The following EDDM3A variants were observed in gnomAD, a reference collection of about 807,000 sequenced individuals.
The protein encoded by EDDM3A is epididymal protein 3A, also known as epididymal secretory protein E3-alpha.
For missense variants in EDDM3A, 199 were observed against 177.4 expected (o/e 1.12, Z -0.69); for synonymous variants, 75 against 60.4 (o/e 1.24, Z -1.12).
chr14:20,739,673 A>G, the EDDM3A span, among the ~76,000 whole-genome samples: 2 of 152,214 alleles, frequency 1.3e-5, no homozygotes, highest in East Asian at 1.9e-4. Context: ...GATGTGTAGT[A>G]TTATCACATC....
chr14:20,744,820 G>C (rs1049743709), upstream of EDDM3A, among the ~76,000 whole-genome samples: 1 of 152,310 alleles, frequency 6.6e-6, no homozygotes, highest in Non-Finnish European at 1.5e-5. Context: ...AAACTGAGTA[G>C]AGAAATTTCA....
At chr14:20,740,798 G>A in the EDDM3A span, among the ~76,000 whole-genome samples, 4 of 152,064 alleles carry the variant, frequency 2.6e-5, no homozygotes, top group Non-Finnish European at 5.9e-5. Flanking sequence ...CCAGGCCACC[G>A]GCACTTGACC....
chr14:20,740,701 G>T, the EDDM3A span, among the ~76,000 whole-genome samples: 1 of 142,658 alleles, frequency 7.0e-6, no homozygotes, highest in Non-Finnish European at 1.5e-5. Context: ...ACAGAATCTC[G>T]CTCTGTCACT....
chr14:20,747,004 G>T (rs191953993), intron 1 of EDDM3A, among the ~76,000 whole-genome samples: 2 of 151,614 alleles, frequency 1.3e-5, no homozygotes. Flanking sequence ...GTAGACAGGA[G>T]ATATTTGAAA....
chr14:20,737,402 G>A, the EDDM3A span, among the ~76,000 whole-genome samples: 2 of 151,972 alleles, frequency 1.3e-5, no homozygotes, highest in Non-Finnish European at 2.9e-5. Context: ...TGGGGACCTC[G>A]TACATGCCAA....
chr14:20,736,842 C>G, the EDDM3A span, among the ~76,000 whole-genome samples: 2 of 151,888 alleles, frequency 1.3e-5, no homozygotes, highest in African/African-American at 4.8e-5. Flanking sequence ...TCTCTAGTAG[C>G]TGGGATTATA....
chr14:20,736,483 T>C, the EDDM3A span, among the ~76,000 whole-genome samples: 3 of 152,172 alleles, frequency 2.0e-5, no homozygotes, highest in Non-Finnish European at 4.4e-5. Flanking sequence ...ACTTTCACGG[T>C]GGTAACATGC....
upstream of EDDM3A, among the ~76,000 whole-genome samples, chr14:20,741,715 A>G (rs1442144722): frequency 6.6e-6 from 1 of 152,172 alleles, no homozygotes; most frequent in Non-Finnish European, 1.5e-5. Flanking sequence ...TGGGGCTAAG[A>G]ACTTCTGTAA....
chr14:20,745,199 C>G (rs1345769433), upstream of EDDM3A, among the ~76,000 whole-genome samples: 2 of 147,250 alleles, frequency 1.4e-5, no homozygotes, highest in African/African-American at 2.5e-5. Flanking sequence ...GCACTCCAGC[C>G]TGGGCGACAG....
chr14:20,740,402 G>C, the EDDM3A span, among the ~76,000 whole-genome samples: 1 of 152,180 alleles, frequency 6.6e-6, no homozygotes, highest in South Asian at 2.1e-4. Context: ...TTCAGCTCAG[G>C]CTCACTTGCA....
At chr14:20,741,318 A>T (rs1404049836), upstream of EDDM3A, among the ~76,000 whole-genome samples, 2 of 152,246 alleles carry the variant, frequency 1.3e-5, no homozygotes, top group Non-Finnish European at 2.9e-5. Context: ...TATTAGCCAG[A>T]GTGTCCCTGA....
the EDDM3A span, among the ~76,000 whole-genome samples, chr14:20,737,983 A>G: frequency 6.6e-6 from 1 of 152,236 alleles, no homozygotes; most frequent in African/African-American, 2.4e-5. Flanking sequence ...AGAAAAGACC[A>G]AAGTATCAAC....
intron 1 of EDDM3A, among the ~76,000 whole-genome samples, chr14:20,746,279 C>T (rs944443): frequency 0.77 from 116,900 of 151,978 alleles, 45,302 homozygotes; most frequent in East Asian, 0.99. Context: ...GAACCCTGTG[C>T]CTGATGTGGG....
chr14:20,736,845 G>A, the EDDM3A span, among the ~76,000 whole-genome samples: 1 of 152,018 alleles, frequency 6.6e-6, no homozygotes, highest in African/African-American at 2.4e-5. Flanking sequence ...CTAGTAGCTG[G>A]GATTATAGGC....
Position 20,748,327 on chromosome 14 carries a change from T to G in EDDM3A, c.*303T>G. The stretch of plus-strand genomic sequence containing the variant: ...TCCTGATATTGACTCTCTTTATACC[T>G]ACCCAAGCTGAACGACCCTCCTTTT... On this transcript the variant is annotated 3_prime_UTR_variant, in exon 2 of 2. Coordinates refer to ENST00000326842, the MANE Select transcript of EDDM3A (RefSeq NM_006683.5). 3.9e-6 allele frequency: 1 copy of G among 255,636 alleles called. No individual in the cohort carries two copies. Among genetic ancestry groups the G allele is most frequent in the Non-Finnish European group, 8.0e-6 (1 of 125,522 alleles). 15.8% of individuals were successfully genotyped at this position (255,636 alleles called of 1,614,324 possible).
chr14:20,739,032 T>C, the EDDM3A span, among the ~76,000 whole-genome samples: 1 of 152,220 alleles, frequency 6.6e-6, no homozygotes, highest in African/African-American at 2.4e-5. Context: ...GGCCAATGCA[T>C]ACTCTATTTT....
chr14:20,747,532 GC>G lies in EDDM3A; in HGVS notation c.-26-22del, dbSNP rs113735065. 5,641 of 1,441,008 alleles carry G rather than the reference GC, an allele frequency of 3.9e-3. 171 individuals are homozygous for G. The African/African-American group carries it at 0.066, about 17-fold the overall frequency. The allele number at this position is 1,441,008 out of a possible 1,614,324, so 89.3% of individuals were successfully genotyped here. ...GCTCTCTGAGTATAGTCTGGTTAATGCTTTTCTTTCTCTTCCCTGTAGACAC... is the reference window on the plus strand; with the variant it reads ...GCTCTCTGAGTATAGTCTGGTTAATGTTTTCTTTCTCTTCCCTGTAGACAC... On this transcript the variant is annotated intron_variant, in intron 1 of 1. Coordinates refer to ENST00000326842, the MANE Select transcript of EDDM3A (RefSeq NM_006683.5).
Position 20,747,572 on chromosome 14 carries a change from G to A in EDDM3A, c.-9G>A, listed in dbSNP as rs759760624. ...CCCTGTAGACACGCAGGTGGACGTG[G>A]TGACTGAGATGACATCCTCTCTAAA... On this transcript the variant is annotated 5_prime_UTR_variant, in exon 2 of 2. In the 5' UTR this introduces an upstream ATG that the reference lacks. Transcript: ENST00000326842. 1.3e-6 allele frequency: 2 copies of A among 1,589,512 alleles called. No individual in the cohort carries two copies. Among genetic ancestry groups the A allele is most frequent in the East Asian group, 4.5e-5 (2 of 44,644 alleles).
In EDDM3A at chr14:20,748,265, G is replaced by A. The variant is rs1291336605; in HGVS notation, c.*241G>A. On this transcript the variant is annotated 3_prime_UTR_variant, in exon 2 of 2. Transcript: ENST00000326842. ...ACACCCACATTTTTTCCAAGATTCA[G>A]CTCATATGGCATCTGTCCTCGACTA... The A allele has an allele frequency of 1.6e-5, 7 of 429,026 alleles. No individual in the cohort carries two copies. The East Asian group carries it at 2.9e-4, about 17-fold the overall frequency. 26.6% of individuals were successfully genotyped at this position (429,026 alleles called of 1,614,324 possible).
Sources: gnomAD v4.1 joint callset for allele counts (sites outside exome capture counted in the v4.1 genomes callset) on GRCh38, gnomAD v4.1.1 for gene constraint, MANE v1.5 for transcripts, NCBI Gene and HGNC (gene_info 2026-07-23, HGNC 2026-07-21) for gene names.